The following NSUN7 variants were observed in gnomAD, a reference collection of about 807,000 sequenced individuals.
NSUN7 encodes the protein protein NSUN7.
Under a neutral mutation model 58.5 loss-of-function variants are expected in NSUN7, and 39 were observed. The ratio of observed to expected loss-of-function variants is 0.67; its 90% CI spans 0.52 to 0.87. The LOEUF (loss-of-function observed/expected upper bound fraction) is 0.87. Among genes scored for constraint, NSUN7 ranks in the 40% least tolerant of loss-of-function variants. NSUN7 has a pLI of 0.00. For missense variants in NSUN7, 765 were observed against 844.1 expected (o/e 0.91, Z 1.16); for synonymous variants, 278 against 303.7 (o/e 0.92, Z 0.88).
chr4:40,755,488 G>C (rs1226957721), intron 2 of NSUN7, among the ~76,000 whole-genome samples: 1 of 152,004 alleles, frequency 6.6e-6, no homozygotes, highest in Non-Finnish European at 1.5e-5. Flanking sequence ...CCCTGAAATT[G>C]CTTATCTTTT....
At chr4:40,757,674 G>GTA (rs569537757) in intron 2 of NSUN7, among the ~76,000 whole-genome samples, 8 of 143,714 alleles carry the variant, frequency 5.6e-5, no homozygotes, top group Admixed American at 1.4e-4. Context: ...TACATTGTGT[G>GTA]TATATATATA....
At chr4:40,764,721 C>T (rs1283707377) in intron 4 of NSUN7, among the ~76,000 whole-genome samples, 1 of 152,116 alleles carries the variant, frequency 6.6e-6, no homozygotes, top group Admixed American at 6.5e-5. Context: ...TCCTATTTCT[C>T]CACATCCTCT....
intron 8 of NSUN7, among the ~76,000 whole-genome samples, chr4:40,792,436 G>A (rs1743110834): frequency 6.6e-6 from 1 of 152,150 alleles, no homozygotes; most frequent in South Asian, 2.1e-4. Context: ...TTGATGAGGA[G>A]ATGATAGGAT....
intron 5 of NSUN7, 101 bp from the exon 6 acceptor site, chr4:40,774,666 T>C (rs1316513652): frequency 2.6e-6 from 2 of 778,022 alleles, no homozygotes; most frequent in Non-Finnish European, 4.2e-6. Context: ...ATGTAATGTA[T>C]GAAGTGATAT....
At chr4:40,804,117 A>G (rs1362447319) in intron 10 of NSUN7, among the ~76,000 whole-genome samples, 1 of 152,234 alleles carries the variant, frequency 6.6e-6, no homozygotes, top group African/African-American at 2.4e-5. Flanking sequence ...GTCTATACTT[A>G]AGCCAACAGC....
intron 7 of NSUN7, among the ~76,000 whole-genome samples, chr4:40,785,562 T>C (rs1313168116): frequency 6.6e-6 from 1 of 152,146 alleles, no homozygotes; most frequent in African/African-American, 2.4e-5. Context: ...GGTTTCACCA[T>C]GTTGGCCAGG....
intron 4 of NSUN7, among the ~76,000 whole-genome samples, chr4:40,771,083 G>A (rs1448739910): frequency 2.0e-5 from 3 of 152,054 alleles, no homozygotes; most frequent in Admixed American, 6.6e-5. Flanking sequence ...AGGAAAAATG[G>A]CATATTAGTT....
At chr4:40,769,584 T>G (rs1034694791) in intron 4 of NSUN7, among the ~76,000 whole-genome samples, 19 of 152,208 alleles carry the variant, frequency 1.2e-4, no homozygotes, top group African/African-American at 4.6e-4. Flanking sequence ...TTCTTCTTTA[T>G]TGTATTAAGT....
At chr4:40,785,929 G>A (rs762289926) in intron 7 of NSUN7, among the ~76,000 whole-genome samples, 2 of 152,208 alleles carry the variant, frequency 1.3e-5, no homozygotes, top group African/African-American at 2.4e-5. Flanking sequence ...CTCCGCCATC[G>A]CCCACGCCTC....
intron 4 of NSUN7, among the ~76,000 whole-genome samples, chr4:40,765,421 T>C (rs1469712117): frequency 6.6e-6 from 1 of 150,388 alleles, no homozygotes; most frequent in South Asian, 2.1e-4. Context: ...GAGGGCTCTG[T>C]TCTGTTCCAT....
chr4:40,808,295 C>T lies in NSUN7; in HGVS notation c.1525-12C>T, dbSNP rs1290789839. The T allele has an allele frequency of 4.4e-6, 7 of 1,586,264 alleles. No homozygotes were observed. Among genetic ancestry groups the T allele is most frequent in the Non-Finnish European group, 6.0e-6 (7 of 1,167,350 alleles). On this transcript the variant is annotated splice_polypyrimidine_tract_variant and intron_variant, in intron 11 of 11. Coordinates refer to ENST00000381782, the MANE Select transcript of NSUN7 (RefSeq NM_024677.6). ...TAACTCCCACATTTAGTAAATGCTT[C>T]TTTAATTGCAGCGGGACCCTTCTGA...
At chr4:40,757,676 A>G (rs544766442) in intron 2 of NSUN7, among the ~76,000 whole-genome samples, 10 of 144,302 alleles carry the variant, frequency 6.9e-5, no homozygotes, top group African/African-American at 2.6e-4. Flanking sequence ...CATTGTGTGT[A>G]TATATATACA....
In NSUN7 at chr4:40,809,057, C is replaced by A; in HGVS notation, c.*118C>A. 2 of 1,045,144 alleles carry A rather than the reference C, an allele frequency of 1.9e-6. No homozygotes were observed. Among genetic ancestry groups the A allele is most frequent in the Non-Finnish European group, 2.7e-6 (2 of 749,552 alleles). 64.7% of individuals were successfully genotyped at this position (1,045,144 alleles called of 1,614,324 possible). ...TTCATTCTTTTGGTCACCTAGGGAT[C>A]TTCTAAGTGTGATATTACTTTCAGA... On this transcript the variant is annotated 3_prime_UTR_variant, in exon 12 of 12. Transcript: ENST00000381782.
chr4:40,798,297 G>A (rs1743410386), intron 9 of NSUN7, among the ~76,000 whole-genome samples: 1 of 152,206 alleles, frequency 6.6e-6, no homozygotes, highest in South Asian at 2.1e-4. Flanking sequence ...TGCTCAATAA[G>A]TATGAATCAA....
intron 9 of NSUN7, among the ~76,000 whole-genome samples, chr4:40,796,641 C>T (rs1481438147): frequency 6.6e-6 from 1 of 152,066 alleles, no homozygotes; most frequent in African/African-American, 2.4e-5. Context: ...TAAAAAAATA[C>T]AAATAAATCA....
At chr4:40,785,247 G>A (rs1391405334) in intron 7 of NSUN7, among the ~76,000 whole-genome samples, 1 of 151,574 alleles carries the variant, frequency 6.6e-6, no homozygotes, top group Non-Finnish European at 1.5e-5. Context: ...TTTTGCCCAG[G>A]GATTACAGGG....
chr4:40,810,178 T>TTTAC lies in NSUN7; in HGVS notation c.*1242_*1245dup. 6.6e-6 allele frequency: 1 copy of TTTAC among 152,366 alleles called. No homozygotes were observed. Among genetic ancestry groups the TTTAC allele is most frequent in the Admixed American group, 6.5e-5 (1 of 15,312 alleles). 9.4% of individuals were successfully genotyped at this position (152,366 alleles called of 1,614,324 possible). On this transcript the variant is annotated 3_prime_UTR_variant, in exon 12 of 12. Coordinates refer to ENST00000381782, the MANE Select transcript of NSUN7 (RefSeq NM_024677.6). ...TCTACTTCAGCTCTGATATTCTATT[T>TTTAC]TTACTTTCTTACTTGAAGTGAGAAA...
intron 7 of NSUN7, among the ~76,000 whole-genome samples, chr4:40,788,245 A>G (rs1742923693): frequency 6.6e-6 from 1 of 152,228 alleles, no homozygotes; most frequent in Admixed American, 6.5e-5. Flanking sequence ...GTATTTGGGT[A>G]CACTCTTTTG....
chr4:40,801,352 AT>A (rs1383252174), intron 10 of NSUN7, among the ~76,000 whole-genome samples: 3 of 152,202 alleles, frequency 2.0e-5, no homozygotes, highest in Non-Finnish European at 4.4e-5. Flanking sequence ...CCTTGTGGAG[AT>A]TGAATATATT....
Sources: allele counts gnomAD v4.1 joint callset (sites outside exome capture counted in the v4.1 genomes callset), GRCh38; gene constraint gnomAD v4.1.1; transcripts MANE v1.5; gene names NCBI Gene and HGNC (gene_info 2026-07-23, HGNC 2026-07-21).